LRRFIP2: variants seen among roughly 807,000 people sequenced by gnomAD.
LRRFIP2 encodes the protein leucine-rich repeat flightless-interacting protein 2.
Under a neutral mutation model 125.9 loss-of-function variants are expected in LRRFIP2, and 109 were observed. The observed-to-expected ratio is 0.87, with a 90% CI of 0.74 to 1.01. The LOEUF (loss-of-function observed/expected upper bound fraction) is 1.01, where lower values mean the gene tolerates loss of function less well. Ranked by LOEUF, LRRFIP2 falls within the 50% of genes least tolerant of loss-of-function variation. LRRFIP2 has a pLI of 0.00. For missense variants in LRRFIP2, 850 were observed against 862.3 expected, an observed-to-expected ratio of 0.99 and a Z score of 0.18; for synonymous variants, 291 against 293.1, an observed-to-expected ratio of 0.99 and a Z score of 0.07.
At chr3:37,172,765 A>G (rs1037596299) in intron 1 of LRRFIP2, 2 of 152,268 alleles carry the variant, frequency 1.3e-5, no homozygotes, top group African/African-American at 4.8e-5. Flanking sequence ...GAACTAATGA[A>G]GAAGTATAAC....
chr3:37,077,234 T>C (rs1196539050), intron 19 of LRRFIP2, among the ~76,000 whole-genome samples: 3 of 152,230 alleles, frequency 2.0e-5, no homozygotes, highest in African/African-American at 7.2e-5. Flanking sequence ...CAGTATGTTA[T>C]TTCTACAGGA....
chr3:37,163,636 G>A (rs1226838445), intron 1 of LRRFIP2, among the ~76,000 whole-genome samples: 2 of 152,152 alleles, frequency 1.3e-5, no homozygotes, highest in African/African-American at 4.8e-5. Flanking sequence ...AATAAATTTT[G>A]TGTTAAAAAC....
At chr3:37,096,723 A>G in intron 15 of LRRFIP2, 63 bp from the exon 16 acceptor site, 1 of 877,098 alleles carries the variant, frequency 1.1e-6, no homozygotes, top group South Asian at 1.6e-5. Flanking sequence ...TTTTGGGAGG[A>G]AAAAAGTGAT....
intron 12 of LRRFIP2, 144 bp from the exon 13 acceptor site, chr3:37,108,273 A>G (rs1215673114): frequency 1.5e-6 from 1 of 653,792 alleles, no homozygotes; most frequent in Non-Finnish European, 2.6e-6. Context: ...ACTCTACCTC[A>G]TCCCCACCCT....
chr3:37,144,680 T>C (rs1195221826), intron 2 of LRRFIP2, among the ~76,000 whole-genome samples: 1 of 152,214 alleles, frequency 6.6e-6, no homozygotes, highest in Non-Finnish European at 1.5e-5. Context: ...ACAGTGTTGA[T>C]GGTGCTAAAA....
At chr3:37,068,484 C>T (rs2148823869) in intron 21 of LRRFIP2, 1 of 152,272 alleles carries the variant, frequency 6.6e-6, no homozygotes, top group East Asian at 1.9e-4. Flanking sequence ...TAAAATACAT[C>T]CTGTAAATTC....
At chr3:37,151,874 G>A (rs2096039296) in intron 1 of LRRFIP2, among the ~76,000 whole-genome samples, 1 of 152,074 alleles carries the variant, frequency 6.6e-6, no homozygotes, top group Non-Finnish European at 1.5e-5. Flanking sequence ...CAAAGTGCTG[G>A]GATTACAGGC....
At chr3:37,138,010 A>T (rs1207691785) in intron 2 of LRRFIP2, among the ~76,000 whole-genome samples, 1 of 152,210 alleles carries the variant, frequency 6.6e-6, no homozygotes, top group East Asian at 1.9e-4. Context: ...ACTTTCACTT[A>T]TAATACATCA....
At chr3:37,140,681 C>T (rs1242534654) in intron 2 of LRRFIP2, among the ~76,000 whole-genome samples, 1 of 151,850 alleles carries the variant, frequency 6.6e-6, no homozygotes. Flanking sequence ...GAGGCTCTCC[C>T]ACTAGAACTC....
intron 25 of LRRFIP2, among the ~76,000 whole-genome samples, 200 bp from the exon 26 acceptor site, chr3:37,055,365 C>T (rs1322546916): frequency 4.0e-5 from 6 of 151,876 alleles, no homozygotes; most frequent in East Asian, 3.9e-4. Flanking sequence ...GAGATAGAGG[C>T]GACCATCCTG....
chr3:37,153,773 CCTGT>C (rs1215252057), intron 1 of LRRFIP2, among the ~76,000 whole-genome samples: 2 of 151,958 alleles, frequency 1.3e-5, no homozygotes, highest in African/African-American at 2.4e-5. Context: ...GGAAGAACTT[CCTGT>C]CTATCTTCCT....
chr3:37,106,403 A>G (rs2094325890), intron 13 of LRRFIP2, among the ~76,000 whole-genome samples: 1 of 152,184 alleles, frequency 6.6e-6, no homozygotes, highest in Non-Finnish European at 1.5e-5. Context: ...GTTTATCTCC[A>G]TTCTAACATC....
chr3:37,071,106 T>C (rs2091106338), intron 21 of LRRFIP2, among the ~76,000 whole-genome samples: 1 of 152,230 alleles, frequency 6.6e-6, no homozygotes, highest in Non-Finnish European at 1.5e-5. Context: ...CCTAACAGAA[T>C]TATTGATTTA....
chr3:37,148,815 C>T (rs953473505), intron 2 of LRRFIP2, 79 bp downstream of exon 2: 7 of 1,501,530 alleles, frequency 4.7e-6, no homozygotes, highest in South Asian at 2.4e-5. Context: ...AATGAGTAAA[C>T]GTCTATATCT....
chr3:37,110,922 CAA>C, intron 9 of LRRFIP2, 67 bp downstream of exon 9: 1 of 1,446,020 alleles, frequency 6.9e-7, no homozygotes, highest in South Asian at 1.2e-5. Flanking sequence ...AGTCAAAATG[CAA>C]AATGGGGAGA....
rs2095572809 is a variant in LRRFIP2 at position 37,136,974 on chromosome 3, G to GGGGGGGT, written c.91-7826_91-7825insACCCCCC. On this transcript the variant is annotated intron_variant, in intron 2 of 27. Coordinates refer to ENST00000336686, the MANE Select transcript of LRRFIP2 (RefSeq NM_006309.4). ...TCTTTTTTGGGGGGGGTGGGGGGGT[G>GGGGGGGT]GGGGGGGGGCGGGGACAGGCTCTCA... Among the ~76,000 whole-genome samples the GGGGGGGT allele has an allele frequency of 7.5e-5, 2 of 26,806 alleles. 1 individual carries two copies. Among genetic ancestry groups the GGGGGGGT allele is most frequent in the Admixed American group, 6.9e-4 (2 of 2,912 alleles). 17.6% of individuals were successfully genotyped at this position (26,806 alleles called of 152,430 possible).
At chr3:37,156,741 T>G (rs1208815119) in intron 1 of LRRFIP2, among the ~76,000 whole-genome samples, 1 of 117,690 alleles carries the variant, frequency 8.5e-6, no homozygotes, top group Non-Finnish European at 1.8e-5. Context: ...GGCATGGGAA[T>G]TAGGAATTGC....
chr3:37,125,897 A>G (rs2095253228), intron 4 of LRRFIP2, among the ~76,000 whole-genome samples: 1 of 152,240 alleles, frequency 6.6e-6, no homozygotes, highest in Non-Finnish European at 1.5e-5. Context: ...CAGATAAAGC[A>G]GCCAGAGAGA....
intron 8 of LRRFIP2, among the ~76,000 whole-genome samples, chr3:37,111,605 G>A (rs1374953036): frequency 6.6e-6 from 1 of 152,192 alleles, no homozygotes; most frequent in Non-Finnish European, 1.5e-5. Flanking sequence ...AATTGAGGGA[G>A]AGAAAACCAT....
Sources: allele counts gnomAD v4.1 joint callset (sites outside exome capture counted in the v4.1 genomes callset), GRCh38; gene constraint gnomAD v4.1.1; transcripts MANE v1.5; gene names NCBI Gene and HGNC (gene_info 2026-07-23, HGNC 2026-07-21).